The following TGS1 variants were observed in gnomAD, a reference collection of about 807,000 sequenced individuals.
The protein encoded by TGS1 is trimethylguanosine synthase.
In TGS1, 69 loss-of-function variants were observed where a neutral mutation model predicts 92.2. The ratio of observed to expected loss-of-function variants is 0.75; its 90% CI spans 0.62 to 0.91. The LOEUF is 0.91. Among genes scored for constraint, TGS1 ranks in the 40% least tolerant of loss-of-function variants. TGS1 has a pLI of 0.00. For synonymous variants in TGS1, 345 were observed against 338.1 expected (o/e 1.02, Z -0.22); for missense variants, 1,062 against 1,001.2 (o/e 1.06, Z -0.82).
chr8:55,790,359 G>C, intron 5 of TGS1, 60 bp downstream of exon 5: 4 of 1,039,824 alleles, frequency 3.8e-6, no homozygotes, highest in Middle Eastern at 2.1e-4. Flanking sequence ...GTATGCATAA[G>C]CCAGTGGTTA....
intron 6 of TGS1, among the ~76,000 whole-genome samples, chr8:55,794,753 T>C (rs189361273): frequency 8.9e-4 from 136 of 152,336 alleles, no homozygotes; most frequent in African/African-American, 3.2e-3. Context: ...GTACATGACA[T>C]GAAGACTAAA....
At chr8:55,804,314 G>A (rs1812301886) in intron 9 of TGS1, among the ~76,000 whole-genome samples, 1 of 152,158 alleles carries the variant, frequency 6.6e-6, no homozygotes. Flanking sequence ...GGTAGCGTGT[G>A]CCTGTAGTCC....
At chr8:55,819,157 G>A (rs1022418772) in intron 12 of TGS1, among the ~76,000 whole-genome samples, 20 of 152,082 alleles carry the variant, frequency 1.3e-4, no homozygotes, top group African/African-American at 4.3e-4. Flanking sequence ...GCCCAGGTTG[G>A]ACTTCTAGGC....
In TGS1 at chr8:55,825,197, C is replaced by A. The variant is rs993750890; in HGVS notation, c.*494C>A. On this transcript the variant is annotated 3_prime_UTR_variant, in exon 13 of 13. Transcript: ENST00000260129. Reference sequence around the variant, plus strand: ...TCACCCTCCCCAAGTGCTGGAATTACAGGCGTGAGCTACTGTGCCCAGCCT... The same window carrying A: ...TCACCCTCCCCAAGTGCTGGAATTAAAGGCGTGAGCTACTGTGCCCAGCCT... 1 of 152,964 alleles carries A rather than the reference C, an allele frequency of 6.5e-6. No homozygotes were observed. Among genetic ancestry groups the A allele is most frequent in the Non-Finnish European group, 1.5e-5 (1 of 68,648 alleles). The allele number at this position is 152,964 out of a possible 1,614,324, so 9.5% of individuals were successfully genotyped here.
At position 55,796,109 on chromosome 8, in the gene TGS1, A is replaced by G. The variant is rs1331940178; in HGVS notation, c.1499A>G (p.Glu500Gly). ...AACAAACACATCTTCTTTACCAAAG[A>G]GTCAGAAAAACCATTTTTCAAGAAA... ...MKNKHIFFTK[E>G]SEKPFFKKSK... Residue 500 changes from glutamate (E) to glycine (G), a missense_variant, in exon 7 of 13, where the codon GAG becomes GGG. Physicochemically the swap from Glu to Gly is moderately conservative, Grantham distance 98. Transcript: ENST00000260129. 1.9e-6 allele frequency: 3 copies of G among 1,613,018 alleles called. No individual in the cohort carries two copies. The highest frequency in any genetic ancestry group is 2.5e-6 in the Non-Finnish European group (3 of 1,179,446).
chr8:55,821,311 C>G (rs1803627230), intron 12 of TGS1, among the ~76,000 whole-genome samples: 1 of 152,148 alleles, frequency 6.6e-6, no homozygotes, highest in African/African-American at 2.4e-5. Flanking sequence ...GTGGGGATTT[C>G]TTGTTTGTTT....
chr8:55,773,741 T>G, intron 1 of TGS1, 22 bp downstream of exon 1: 2 of 1,576,962 alleles, frequency 1.3e-6, no homozygotes, highest in Non-Finnish European at 1.7e-6. Flanking sequence ...AGAGAATCTC[T>G]TCATGTTCTA....
chr8:55,801,580 T>C (rs1403780918), intron 8 of TGS1, among the ~76,000 whole-genome samples: 1 of 85,306 alleles, frequency 1.2e-5, no homozygotes, highest in Non-Finnish European at 2.2e-5. Context: ...AGCCCCATCG[T>C]TCTTTTTTTT....
chr8:55,799,151 G>A lies in TGS1; in HGVS notation c.1780G>A (p.Ala594Thr). ...AAACTATGAAAGAGACAGCTTGCTA[G>A]CAACTGTTCCAGATGAGCAGGATTG... ...TENYERDSLL[A>T]TVPDEQDCVT... The change falls in exon 8 of 13, where the codon GCA (alanine) becomes ACA (threonine). Residue 594 changes from alanine to threonine, a missense_variant. Coordinates refer to ENST00000260129, the MANE Select transcript of TGS1 (RefSeq NM_024831.8). 6.2e-7 allele frequency: 1 copy of A among 1,614,180 alleles called. No individual in the cohort carries two copies. Among genetic ancestry groups the A allele is most frequent in the Middle Eastern group, 1.6e-4 (1 of 6,062 alleles).
intron 6 of TGS1, among the ~76,000 whole-genome samples, chr8:55,794,983 G>A (rs1251108832): frequency 5.9e-5 from 9 of 152,162 alleles, no homozygotes; most frequent in Non-Finnish European, 1.3e-4. Context: ...AGTACATGTT[G>A]ACTCTTGTAG....
chr8:55,787,394 A>G (rs1044073645), intron 4 of TGS1, among the ~76,000 whole-genome samples: 1 of 152,236 alleles, frequency 6.6e-6, no homozygotes, highest in South Asian at 2.1e-4. Context: ...CATGTTAGAA[A>G]GCAATTGAGA....
intron 11 of TGS1, among the ~76,000 whole-genome samples, chr8:55,811,705 G>A (rs1279068449): frequency 6.6e-6 from 1 of 152,142 alleles, no homozygotes; most frequent in Non-Finnish European, 1.5e-5. Flanking sequence ...AGGTTGCAGT[G>A]AGCTGAGATT....
At chr8:55,779,099 T>A (rs563289766) in intron 1 of TGS1, among the ~76,000 whole-genome samples, 1 of 152,320 alleles carries the variant, frequency 6.6e-6, no homozygotes, top group South Asian at 2.1e-4. Flanking sequence ...AAATCTTCTA[T>A]TTTTGAGGCC....
rs567705160 is a variant in TGS1 at position 55,810,911 on chromosome 8, T to C, written c.2174T>C (p.Ile725Thr). ...GCCATTGATATCGATCCTGTTAAGA[T>C]TGCCCTTGCTCGCAATAATGCAGAA... ...VIAIDIDPVK[I>T]ALARNNAEVY... is the part of the protein sequence containing the mutation. The change falls in exon 11 of 13, where the codon ATT (isoleucine) becomes ACT (threonine). Residue 725 changes from isoleucine (I) to threonine (T), a missense_variant. Transcript: ENST00000260129. The C allele has an allele frequency of 1.9e-6, 3 of 1,614,206 alleles. No homozygotes were observed. The highest frequency in any genetic ancestry group is 2.5e-6 in the Non-Finnish European group (3 of 1,180,030).
At chr8:55,779,022 T>C (rs1811479124) in intron 1 of TGS1, among the ~76,000 whole-genome samples, 2 of 152,164 alleles carry the variant, frequency 1.3e-5, no homozygotes, top group South Asian at 4.1e-4. Flanking sequence ...GGTCTTCTGC[T>C]TTACAATTCA....
At chr8:55,815,461 A>G (rs1313669622) in intron 12 of TGS1, among the ~76,000 whole-genome samples, 1 of 152,230 alleles carries the variant, frequency 6.6e-6, no homozygotes, top group Non-Finnish European at 1.5e-5. Flanking sequence ...ACAGTTGCAA[A>G]GAAAATTAAC....
In TGS1 at chr8:55,824,736, A is replaced by T; in HGVS notation, c.*33A>T. 1 of 1,611,758 alleles carries T rather than the reference A, an allele frequency of 6.2e-7. No homozygotes were observed. The highest frequency in any genetic ancestry group is 8.5e-7 in the Non-Finnish European group (1 of 1,178,756). On this transcript the variant is annotated 3_prime_UTR_variant, in exon 13 of 13. Coordinates refer to ENST00000260129, the MANE Select transcript of TGS1 (RefSeq NM_024831.8). ...GCAGTGCGAGGACAAAAGATCATGG[A>T]GTGGTCAAAATATTCAGATGAGACA...
intron 6 of TGS1, among the ~76,000 whole-genome samples, chr8:55,795,552 T>G (rs1298543465): frequency 6.6e-6 from 1 of 152,240 alleles, no homozygotes; most frequent in Non-Finnish European, 1.5e-5. Context: ...GCTTCTTTTG[T>G]AAGCTCAGAT....
rs757796292 is a variant in TGS1, at chr8:55,786,920, G to C, written c.1022G>C (p.Ser341Thr). The C allele has an allele frequency of 1.2e-6, 2 of 1,614,144 alleles. No homozygotes were observed. Among genetic ancestry groups the C allele is most frequent in the Non-Finnish European group, 1.7e-6 (2 of 1,180,016 alleles). Residue 341 changes from serine (S) to threonine (T), a missense_variant, in exon 4 of 13, where the codon AGT becomes ACT. Physicochemically the swap from Ser to Thr is moderately conservative, Grantham distance 58. Coordinates refer to ENST00000260129, the MANE Select transcript of TGS1 (RefSeq NM_024831.8). ...VTQSQLDSCT[S>T]HDGHQQLSEV... is the part of the protein sequence containing the mutation. ...CAGAGCCAATTAGATTCCTGTACAA[G>C]TCATGATGGTCATCAACAGCTAAGT...
Sources: gnomAD v4.1 joint callset for allele counts (sites outside exome capture counted in the v4.1 genomes callset) on GRCh38, gnomAD v4.1.1 for gene constraint, MANE v1.5 for transcripts, NCBI Gene and HGNC (gene_info 2026-07-23, HGNC 2026-07-21) for gene names.